GCH1: variants seen among roughly 807,000 people sequenced by gnomAD.
The protein encoded by GCH1 is GTP cyclohydrolase 1.
A neutral mutation model predicts 25.9 loss-of-function variants in GCH1; 5 were observed. The ratio of observed to expected loss-of-function variants is 0.19; its 90% CI spans 0.10 to 0.41. The LOEUF (loss-of-function observed/expected upper bound fraction) is 0.41. GCH1 is among the 10% of genes least tolerant of loss of function. GCH1 has a pLI of 1.00. For missense variants in GCH1, 261 were observed against 336.5 expected (o/e 0.78, Z 1.75); for synonymous variants, 159 against 129.6 (o/e 1.23, Z -1.54).
chr14:54,876,797 A>C (rs2040168599), intron 1 of GCH1, among the ~76,000 whole-genome samples: 1 of 152,238 alleles, frequency 6.6e-6, no homozygotes, highest in Admixed American at 6.5e-5. Flanking sequence ...TGCAAAAAGA[A>C]ACACTGGAAG....
At chr14:54,894,525 GCAGCC>G (rs2040460994) in intron 1 of GCH1, among the ~76,000 whole-genome samples, 1 of 152,152 alleles carries the variant, frequency 6.6e-6, no homozygotes, top group South Asian at 2.1e-4. Flanking sequence ...CTGTGTGATA[GCAGCC>G]CTGGGAATCT....
At chr14:54,877,492 A>C (rs1289294837) in intron 1 of GCH1, among the ~76,000 whole-genome samples, 1 of 151,982 alleles carries the variant, frequency 6.6e-6, no homozygotes, top group South Asian at 2.1e-4. Flanking sequence ...TACAAGCCCA[A>C]GTGCTTTTTT....
At chr14:54,891,053 C>T (rs8003903) in intron 1 of GCH1, among the ~76,000 whole-genome samples, 14,234 of 152,166 alleles carry the variant, frequency 0.094, 795 homozygotes, top group East Asian at 0.19. Context: ...CAAACATGGT[C>T]TGAAAATACT....
chr14:54,885,075 C>T lies in GCH1; in HGVS notation c.343+17246G>A, dbSNP rs979694064. ...TTGCAGACACTGAACCACCAGTCAG[C>T]TGCATTTGTTGTCATCTGTTGTCCT... On this transcript the variant is annotated intron_variant, in intron 1 of 5. Transcript: ENST00000491895. 3 of 309,272 alleles carry T rather than the reference C, an allele frequency of 9.7e-6. No homozygotes were observed. In the Admixed American group the frequency reaches 1.0e-4, roughly 11 times the overall value. 19.2% of individuals were successfully genotyped at this position (309,272 alleles called of 1,614,324 possible).
intron 3 of GCH1, chr14:54,859,256 A>G: frequency 5.2e-6 from 1 of 193,768 alleles, no homozygotes; most frequent in South Asian, 1.0e-4. Flanking sequence ...CCCCTTGACA[A>G]GGATAGAAGA....
intron 3 of GCH1, among the ~76,000 whole-genome samples, chr14:54,847,817 C>G (rs1412192767): frequency 6.6e-6 from 1 of 152,180 alleles, no homozygotes; most frequent in South Asian, 2.1e-4. Context: ...TTAGGAAAAA[C>G]AGAGATGAGT....
At chr14:54,879,962 G>A (rs768942964) in intron 1 of GCH1, among the ~76,000 whole-genome samples, 16 of 143,986 alleles carry the variant, frequency 1.1e-4, no homozygotes, top group Non-Finnish European at 2.1e-4. Context: ...TCCAGCCTGG[G>A]TGACAGAGTA....
chr14:54,902,296 T>C, intron 1 of GCH1, 25 bp downstream of exon 1: 2 of 1,609,200 alleles, frequency 1.2e-6, no homozygotes, highest in Non-Finnish European at 1.7e-6. Context: ...GCCCGCACGC[T>C]CTAGCAGCCC....
At chr14:54,899,144 T>G (rs2040526581) in intron 1 of GCH1, among the ~76,000 whole-genome samples, 1 of 152,140 alleles carries the variant, frequency 6.6e-6, no homozygotes, top group Non-Finnish European at 1.5e-5. Flanking sequence ...AATGCATGAT[T>G]ATATTCAATT....
rs1297328292 is a variant in GCH1, at chr14:54,843,125, G to C, written c.*892C>G. Reference sequence around the variant, plus strand: ...AAATATCTTATAAGATTAAAAAAAAGAAGAAGAAGAAACATTTTGAGGCAT... The same window carrying C: ...AAATATCTTATAAGATTAAAAAAAACAAGAAGAAGAAACATTTTGAGGCAT... On this transcript the variant is annotated 3_prime_UTR_variant, in exon 6 of 6. Transcript: ENST00000491895. 1 of 1,455,088 alleles carries C rather than the reference G, an allele frequency of 6.9e-7. No individual in the cohort carries two copies. The highest frequency in any genetic ancestry group is 2.6e-5 in the African/African-American group (1 of 37,920). The allele number at this position is 1,455,088 out of a possible 1,614,324, so 90.1% of individuals were successfully genotyped here. A position where few individuals can be genotyped will look rare whatever the true frequency, so the allele number is the denominator to read the frequency against.
chr14:54,902,304 C>T lies in GCH1; in HGVS notation c.343+17G>A. On this transcript the variant is annotated intron_variant, in intron 1 of 5. Transcript: ENST00000491895. ...CCCCGCCGCCCGCACGCTCTAGCAG[C>T]CCGCGGGCGCACTGACCTGAGATGG... 1.2e-6 allele frequency: 2 copies of T among 1,610,626 alleles called. No homozygotes were observed. The highest frequency in any genetic ancestry group is 1.7e-6 in the Non-Finnish European group (2 of 1,179,216).
chr14:54,850,180 G>A (rs1166719319), intron 3 of GCH1, among the ~76,000 whole-genome samples: 3 of 151,938 alleles, frequency 2.0e-5, no homozygotes, highest in Non-Finnish European at 2.9e-5. Context: ...CACCATGTTG[G>A]CCAGGCCGGT....
At chr14:54,867,082 A>G (rs933981796) in intron 1 of GCH1, among the ~76,000 whole-genome samples, 10 of 152,244 alleles carry the variant, frequency 6.6e-5, no homozygotes, top group Admixed American at 2.6e-4. Flanking sequence ...TGATTGCCAC[A>G]TATAGCTTAC....
intron 1 of GCH1, among the ~76,000 whole-genome samples, chr14:54,887,994 T>G (rs537982803): frequency 6.6e-6 from 1 of 152,322 alleles, no homozygotes; most frequent in East Asian, 1.9e-4. Flanking sequence ...AAACTAAAAC[T>G]TCAAGCACTA....
chr14:54,853,612 T>C (rs1449991236), intron 3 of GCH1, among the ~76,000 whole-genome samples: 1 of 152,216 alleles, frequency 6.6e-6, no homozygotes, highest in Non-Finnish European at 1.5e-5. Flanking sequence ...AGTTGTCAGT[T>C]TTAATCTAAA....
At chr14:54,879,522 A>G (rs1342313897) in intron 1 of GCH1, among the ~76,000 whole-genome samples, 2 of 152,042 alleles carry the variant, frequency 1.3e-5, no homozygotes, top group Non-Finnish European at 2.9e-5. Flanking sequence ...GTTTGGGTAA[A>G]CTCACAATAA....
At chr14:54,875,544 G>A (rs1306846634) in intron 1 of GCH1, among the ~76,000 whole-genome samples, 1 of 152,166 alleles carries the variant, frequency 6.6e-6, no homozygotes, top group African/African-American at 2.4e-5. Context: ...GCAACCTACA[G>A]AATGGGAGAA....
intron 1 of GCH1, among the ~76,000 whole-genome samples, chr14:54,879,419 TCAAAA>T (rs2040210697): frequency 4.9e-5 from 2 of 40,870 alleles, no homozygotes; most frequent in South Asian, 8.8e-4. Context: ...AGTCCCTGTC[TCAAAA>T]AAAAAAAAAA....
intron 1 of GCH1, among the ~76,000 whole-genome samples, chr14:54,876,043 C>T (rs1444314819): frequency 6.6e-6 from 1 of 152,166 alleles, no homozygotes; most frequent in Non-Finnish European, 1.5e-5. Flanking sequence ...AAGACACATG[C>T]ACACGTATGT....
Sources: allele counts gnomAD v4.1 joint callset (sites outside exome capture counted in the v4.1 genomes callset), GRCh38; gene constraint gnomAD v4.1.1; transcripts MANE v1.5; gene names NCBI Gene and HGNC (gene_info 2026-07-23, HGNC 2026-07-21).